The following RBM19 variants were observed in gnomAD, a reference collection of about 807,000 sequenced individuals.
RBM19 encodes probable RNA-binding protein 19.
A neutral mutation model predicts 116.8 loss-of-function variants in RBM19; 94 were observed. That is an observed-to-expected ratio of 0.80 (90% CI 0.68 to 0.95). RBM19 has a LOEUF of 0.95. Among genes scored for constraint, RBM19 ranks in the 40% least tolerant of loss-of-function variants. The pLI, the probability that RBM19 is intolerant of heterozygous loss-of-function variation, is 0.00. For missense variants in RBM19, 1,161 were observed against 1,220.7 expected, an observed-to-expected ratio of 0.95 and a Z score of 0.73; for synonymous variants, 475 against 494.1, an observed-to-expected ratio of 0.96 and a Z score of 0.51.
chr12:113,858,949 G>A (rs1365401599), intron 21 of RBM19, 53 bp from the exon 22 acceptor site: 1 of 1,526,954 alleles, frequency 6.5e-7, no homozygotes, highest in African/African-American at 1.4e-5. Context: ...CCGCAAGGGA[G>A]GTCGGGAAGG....
Position 113,944,093 on chromosome 12 carries a change from G to GTTTTTTTTTTTTTTTTT in RBM19, c.1627-1676_1627-1660dup, listed in dbSNP as rs71433305. 2.4e-3 allele frequency among the ~76,000 whole-genome samples: 159 copies of GTTTTTTTTTTTTTTTTT among 67,640 alleles called. 17 individuals are homozygous for GTTTTTTTTTTTTTTTTT. Among genetic ancestry groups the GTTTTTTTTTTTTTTTTT allele is most frequent in the Non-Finnish European group, 3.1e-3 (121 of 38,960 alleles). 44.4% of individuals were successfully genotyped at this position (67,640 alleles called of 152,430 possible). On this transcript the variant is annotated intron_variant, in intron 13 of 23. Coordinates refer to ENST00000261741, the MANE Select transcript of RBM19 (RefSeq NM_016196.4). ...CAGCTGCCTCTAACTCCAGATGCAT[G>GTTTTTTTTTTTTTTTTT]TTTTTTTTTTTTTTTTTTTTTTTTG...
intron 16 of RBM19, among the ~76,000 whole-genome samples, chr12:113,933,659 G>C (rs536710164): frequency 2.0e-5 from 3 of 152,188 alleles, no homozygotes; most frequent in Non-Finnish European, 4.4e-5. Context: ...GAAGCAGGGG[G>C]ACCCGCGGGC....
chr12:113,912,400 C>A (rs1231577364), intron 21 of RBM19, among the ~76,000 whole-genome samples: 1 of 152,228 alleles, frequency 6.6e-6, no homozygotes, highest in Non-Finnish European at 1.5e-5. Flanking sequence ...TTTGGTCCCA[C>A]TGGAATGATC....
chr12:113,964,770 A>G (rs1400629109), intron 1 of RBM19, among the ~76,000 whole-genome samples: 3 of 140,114 alleles, frequency 2.1e-5, no homozygotes, highest in Non-Finnish European at 4.6e-5. Context: ...TCAAATATAC[A>G]GAGATACATG....
chr12:113,881,019 C>CCCACATCACATCCTG (rs1288108060), intron 21 of RBM19, among the ~76,000 whole-genome samples: 1 of 152,158 alleles, frequency 6.6e-6, no homozygotes, highest in East Asian at 1.9e-4. Flanking sequence ...AACATCAGTA[C>CCCACATCACATCCTG]CCACATCACA....
At position 113,959,303 on chromosome 12, in the gene RBM19, T is replaced by G; in HGVS notation, c.480A>C (p.Lys160Asn). 2.5e-6 allele frequency: 4 copies of G among 1,614,104 alleles called. No homozygotes were observed. The highest frequency in any genetic ancestry group is 3.4e-6 in the Non-Finnish European group (4 of 1,179,974). ...ANDGLDAEPS[K>N]GKSKPASDYL... ...AGTCACTGGCCGGCTTGCTCTTCCC[T>G]TTCGAGGGCTCAGCATCCAGGCCAT... The change falls in exon 5 of 24, where the codon AAA (lysine) becomes AAC (asparagine). Residue 160 changes from lysine to asparagine, a missense_variant. Transcript: ENST00000261741.
Position 113,898,617 on chromosome 12 carries a change from G to A in RBM19, c.2558+16352C>T, listed in dbSNP as rs1011271929. ...GCATGAAAACGGGTGTTTGATGACC[G>A]GCAAGACTCAGAGAAGCAAGAGGTC... On this transcript the variant is annotated intron_variant, in intron 21 of 23. Coordinates refer to ENST00000261741, the MANE Select transcript of RBM19 (RefSeq NM_016196.4). The surrounding 1 kb of genome is among the most constrained non-coding windows in gnomAD (Gnocchi z 4.3). Among the ~76,000 whole-genome samples, 1 of 152,112 alleles carries A rather than the reference G, an allele frequency of 6.6e-6. No homozygotes were observed. Among genetic ancestry groups the A allele is most frequent in the Non-Finnish European group, 1.5e-5 (1 of 68,018 alleles).
At chr12:113,943,596 G>T (rs1174930161) in intron 13 of RBM19, among the ~76,000 whole-genome samples, 3 of 152,096 alleles carry the variant, frequency 2.0e-5, no homozygotes, top group African/African-American at 7.2e-5. Context: ...GAGGCAGGGG[G>T]ATCACCTGAG....
intron 13 of RBM19, among the ~76,000 whole-genome samples, chr12:113,944,483 G>C (rs959468244): frequency 6.6e-6 from 1 of 151,978 alleles, no homozygotes; most frequent in Non-Finnish European, 1.5e-5. Context: ...AAGTACCTTA[G>C]ACAAAGTATA....
chr12:113,872,072 G>GA (rs1406649635), intron 21 of RBM19, among the ~76,000 whole-genome samples: 1 of 147,074 alleles, frequency 6.8e-6, no homozygotes, highest in Admixed American at 6.8e-5. Context: ...TCCCATCTAG[G>GA]AAGTGAGGAG....
intron 21 of RBM19, among the ~76,000 whole-genome samples, chr12:113,901,926 T>C (rs1388654635): frequency 6.6e-6 from 1 of 152,202 alleles, no homozygotes; most frequent in African/African-American, 2.4e-5. Context: ...TCTAATGCTT[T>C]ATAGTTTGGG....
chr12:113,944,598 G>C (rs78015060), intron 13 of RBM19, among the ~76,000 whole-genome samples: 3,373 of 152,114 alleles, frequency 0.022, 54 homozygotes, highest in Non-Finnish European at 0.033. Context: ...AGAAGTTTGA[G>C]ACCAGACTGG....
intron 23 of RBM19, among the ~76,000 whole-genome samples, chr12:113,842,941 G>A (rs572214052): frequency 1.3e-5 from 2 of 152,352 alleles, no homozygotes; most frequent in South Asian, 2.1e-4. Context: ...GAGGAGTCTG[G>A]GAAGACCACA....
At chr12:113,909,482 C>T (rs1426861356) in intron 21 of RBM19, among the ~76,000 whole-genome samples, 1 of 152,148 alleles carries the variant, frequency 6.6e-6, no homozygotes, top group African/African-American at 2.4e-5. Flanking sequence ...TTGCCCAAAG[C>T]CCCAACCAAG....
At chr12:113,826,115 C>T (rs914595314) in intron 23 of RBM19, among the ~76,000 whole-genome samples, 4 of 152,196 alleles carry the variant, frequency 2.6e-5, no homozygotes, top group East Asian at 1.9e-4. Context: ...TCTTCCTCCA[C>T]GGAGCCACTC....
chr12:113,936,052 C>CA lies in RBM19; in HGVS notation c.2068+954dup, dbSNP rs1037805939. Among the ~76,000 whole-genome samples, 79 of 108,474 alleles carry CA rather than the reference C, an allele frequency of 7.3e-4. 1 individual carries two copies. Among genetic ancestry groups the CA allele is most frequent in the African/African-American group, 3.4e-3 (69 of 20,244 alleles). 71.2% of individuals were successfully genotyped at this position (108,474 alleles called of 152,430 possible). On this transcript the variant is annotated intron_variant, in intron 16 of 23. Transcript: ENST00000261741. The stretch of plus-strand genomic sequence containing the variant: ...CTCAAAAAAACAAAACAAAACAAAA[C>CA]AAAAAAAACAACTCTTAAATCTGAC...
At chr12:113,852,761 C>G (rs2135730711) in intron 22 of RBM19, among the ~76,000 whole-genome samples, 1 of 152,354 alleles carries the variant, frequency 6.6e-6, no homozygotes. Context: ...GTCACTTGGG[C>G]TAAAGGGATC....
At chr12:113,875,209 G>A (rs530370498) in intron 21 of RBM19, among the ~76,000 whole-genome samples, 9 of 152,308 alleles carry the variant, frequency 5.9e-5, no homozygotes, top group African/African-American at 2.2e-4. Context: ...GGAGGAGAAC[G>A]AATCACCCTG....
At chr12:113,820,839 A>G (rs1385494510), downstream of RBM19, among the ~76,000 whole-genome samples, 2 of 152,078 alleles carry the variant, frequency 1.3e-5, no homozygotes, top group Non-Finnish European at 2.9e-5. Flanking sequence ...AGGCCTGGCG[A>G]GTGGCTGGAA....
Sources: allele counts gnomAD v4.1 joint callset (sites outside exome capture counted in the v4.1 genomes callset), GRCh38; gene constraint gnomAD v4.1.1; non-coding constraint Gnocchi (gnomAD v3.1); transcripts MANE v1.5; gene names NCBI Gene and HGNC (gene_info 2026-07-23, HGNC 2026-07-21).